The following MSRA variants were observed in gnomAD, a reference collection of about 807,000 sequenced individuals.
MSRA encodes mitochondrial peptide methionine sulfoxide reductase.
Under a neutral mutation model 31.3 loss-of-function variants are expected in MSRA, and 54 were observed. The ratio of observed to expected loss-of-function variants is 1.73; its 90% CI spans 1.39 to 2.17. The LOEUF is 2.17. Ranked by LOEUF, MSRA falls within the 30% of genes most tolerant of loss-of-function variation. The pLI is 0.00. For synonymous variants in MSRA, 169 were observed against 116.5 expected (o/e 1.45, Z -2.90); for missense variants, 507 against 300.9 (o/e 1.69, Z -5.07).
chr8:10,231,168 C>G (rs1276842218), intron 2 of MSRA, among the ~76,000 whole-genome samples: 1 of 151,926 alleles, frequency 6.6e-6, no homozygotes, highest in Non-Finnish European at 1.5e-5. Flanking sequence ...AGAAAGGCGG[C>G]AAGGAGGGAG....
chr8:10,136,667 C>G (rs888897553), intron 1 of MSRA, among the ~76,000 whole-genome samples: 1 of 152,194 alleles, frequency 6.6e-6, no homozygotes, highest in Admixed American at 6.5e-5. Context: ...AGATGCAGGC[C>G]TTCCAGAAGC....
At chr8:10,184,536 A>G (rs1271026715) in intron 1 of MSRA, among the ~76,000 whole-genome samples, 1 of 152,056 alleles carries the variant, frequency 6.6e-6, no homozygotes, top group African/African-American at 2.4e-5. Flanking sequence ...TTCTAGGGTT[A>G]TTATTATTTT....
At chr8:10,376,305 A>C (rs998825570) in intron 5 of MSRA, among the ~76,000 whole-genome samples, 2 of 152,218 alleles carry the variant, frequency 1.3e-5, no homozygotes, top group Non-Finnish European at 2.9e-5. Flanking sequence ...TGCAGCCAGG[A>C]ACAGCAAATG....
At chr8:10,305,789 G>A (rs1198665109) in intron 4 of MSRA, among the ~76,000 whole-genome samples, 9 of 152,150 alleles carry the variant, frequency 5.9e-5, no homozygotes, top group Non-Finnish European at 1.0e-4. Flanking sequence ...TAAGGTATAG[G>A]TGAGGCCCGA....
intron 2 of MSRA, among the ~76,000 whole-genome samples, 180 bp downstream of exon 2, chr8:10,208,081 T>C (rs1809157130): frequency 6.6e-6 from 1 of 152,238 alleles, no homozygotes; most frequent in Non-Finnish European, 1.5e-5. Flanking sequence ...AAGCTTATTC[T>C]ATAGAATTTA....
intron 1 of MSRA, among the ~76,000 whole-genome samples, chr8:10,148,507 C>G (rs1399372368): frequency 6.6e-6 from 1 of 151,894 alleles, no homozygotes. Flanking sequence ...ATTAGCCAGG[C>G]ATGGTGGTGC....
intron 1 of MSRA, among the ~76,000 whole-genome samples, chr8:10,129,859 C>T (rs113810599): frequency 7.0e-4 from 95 of 135,592 alleles, no homozygotes; most frequent in African/African-American, 2.2e-3. Flanking sequence ...CAAATAGTTC[C>T]ATTCCCCATA....
intron 4 of MSRA, among the ~76,000 whole-genome samples, chr8:10,311,099 A>C (rs1386631472): frequency 1.3e-5 from 2 of 152,238 alleles, no homozygotes; most frequent in African/African-American, 4.8e-5. Context: ...AGAGTACTGA[A>C]TTAGGTCACA....
chr8:10,370,620 C>A (rs1038127146), intron 5 of MSRA, among the ~76,000 whole-genome samples: 3 of 152,234 alleles, frequency 2.0e-5, no homozygotes, highest in African/African-American at 7.2e-5. Flanking sequence ...TGAGGAGCCA[C>A]CTTTTGATGA....
intron 2 of MSRA, among the ~76,000 whole-genome samples, chr8:10,218,229 C>G (rs1390222439): frequency 6.6e-6 from 1 of 151,836 alleles, no homozygotes; most frequent in African/African-American, 2.4e-5. Flanking sequence ...TCACTGCAAC[C>G]TCTGCCTCCC....
intron 4 of MSRA, among the ~76,000 whole-genome samples, chr8:10,308,058 C>G (rs915476311): frequency 1.3e-5 from 2 of 152,196 alleles, no homozygotes; most frequent in Middle Eastern, 3.4e-3. Flanking sequence ...ATCACGAAGC[C>G]CAGGGATGGA....
At chr8:10,138,094 C>T (rs904464986) in intron 1 of MSRA, among the ~76,000 whole-genome samples, 4 of 152,160 alleles carry the variant, frequency 2.6e-5, no homozygotes, top group African/African-American at 4.8e-5. Context: ...GCCTTGGCTT[C>T]TTGGAGCTGG....
At chr8:10,154,091 C>T (rs537961706) in intron 1 of MSRA, among the ~76,000 whole-genome samples, 2 of 152,246 alleles carry the variant, frequency 1.3e-5, no homozygotes, top group East Asian at 3.9e-4. Context: ...AGTCTGGTAT[C>T]CTTAACCCAT....
chr8:10,068,947 T>C (rs564253784), intron 1 of MSRA, among the ~76,000 whole-genome samples: 2 of 152,370 alleles, frequency 1.3e-5, no homozygotes, highest in South Asian at 2.1e-4. Context: ...TATTTAGATA[T>C]ATTTCTTTCA....
intron 1 of MSRA, among the ~76,000 whole-genome samples, chr8:10,167,270 C>A (rs1027621257): frequency 7.9e-5 from 12 of 152,154 alleles, no homozygotes; most frequent in African/African-American, 2.9e-4. Context: ...AGATTGGTGT[C>A]CAAAGGCAGC....
intron 3 of MSRA, among the ~76,000 whole-genome samples, chr8:10,258,378 G>A (rs1798293093): frequency 6.6e-6 from 1 of 152,168 alleles, no homozygotes; most frequent in African/African-American, 2.4e-5. Context: ...CTGGCTAATT[G>A]GAAAGCAGGA....
At chr8:10,114,501 A>G (rs962615191) in intron 1 of MSRA, among the ~76,000 whole-genome samples, 2 of 26,744 alleles carry the variant, frequency 7.5e-5, no homozygotes, top group Admixed American at 8.4e-4. Flanking sequence ...AACACTTGTT[A>G]TTATTATTAT....
intron 1 of MSRA, among the ~76,000 whole-genome samples, chr8:10,204,477 T>A (rs1031393239): frequency 1.3e-5 from 2 of 152,208 alleles, no homozygotes; most frequent in African/African-American, 4.8e-5. Context: ...CTTATAGATA[T>A]CTAGATCACA....
At chr8:10,392,753 A>C (rs1806828706) in intron 5 of MSRA, among the ~76,000 whole-genome samples, 1 of 151,256 alleles carries the variant, frequency 6.6e-6, no homozygotes, top group Non-Finnish European at 1.5e-5. Context: ...TCCCATACTA[A>C]AAAAAATGTT....
Sources: allele counts gnomAD v4.1 joint callset (sites outside exome capture counted in the v4.1 genomes callset), GRCh38; gene constraint gnomAD v4.1.1; transcripts MANE v1.5; gene names NCBI Gene and HGNC (gene_info 2026-07-23, HGNC 2026-07-21).